Variants in RTN3 observed in about 807,000 individuals in gnomAD.
RTN3 encodes reticulon-3.
RTN3 carries 49 observed loss-of-function variants against 77.8 expected under a neutral mutation model. That is an observed-to-expected ratio of 0.63 (90% CI 0.50 to 0.80). RTN3 has a LOEUF of 0.80. Ranked by LOEUF, RTN3 falls within the 30% of genes least tolerant of loss-of-function variation. The pLI is 0.00. For synonymous variants in RTN3, 464 were observed against 446.9 expected (o/e 1.04, Z -0.48); for missense variants, 1,236 against 1,211.9 (o/e 1.02, Z -0.29).
rs2014508468 is a variant in RTN3 at position 63,758,631 on chromosome 11, G to T, written c.*430G>T. ...TTAACTTATGAAAAAATTATTTGGG[G>T]ACAGGAGTGTGATACCTTCCTTGGT... On this transcript the variant is annotated 3_prime_UTR_variant, in exon 9 of 9. Coordinates refer to ENST00000377819, the MANE Select transcript of RTN3 (RefSeq NM_001265589.2). 1 of 384,858 alleles carries T rather than the reference G, an allele frequency of 2.6e-6. No homozygotes were observed. Among genetic ancestry groups the T allele is most frequent in the Non-Finnish European group, 4.6e-6 (1 of 217,954 alleles). The allele number at this position is 384,858 out of a possible 1,614,324, so 23.8% of individuals were successfully genotyped here.
At position 63,720,563 on chromosome 11, in the gene RTN3, T is replaced by A. The variant is rs765671070; in HGVS notation, c.2061T>A (p.Thr687=). Residue 687 remains threonine, a synonymous_variant, in exon 3 of 9, where the codon ACT becomes ACA. Transcript: ENST00000377819. ...AGAAGATGACAGACTTTAAAACAAC[T>A]CCTCCTGTAGAAGTCTTACATGAAA... The part of the protein sequence containing the change: ...ISEKMTDFKT[T]PPVEVLHENE... 3 of 1,613,950 alleles carry A rather than the reference T, an allele frequency of 1.9e-6. No homozygotes were observed. The highest frequency in any genetic ancestry group is 1.1e-5 in the South Asian group (1 of 91,084).
At chr11:63,734,335 T>C (rs2012917296) in intron 3 of RTN3, among the ~76,000 whole-genome samples, 1 of 151,712 alleles carries the variant, frequency 6.6e-6, no homozygotes, top group African/African-American at 2.4e-5. Flanking sequence ...GTAATCCCAG[T>C]ACTCAGGAGG....
At chr11:63,742,980 A>G (rs1467678381) in intron 3 of RTN3, among the ~76,000 whole-genome samples, 1 of 152,194 alleles carries the variant, frequency 6.6e-6, no homozygotes, top group African/African-American at 2.4e-5. Flanking sequence ...TCCTGGGTTC[A>G]AGCGATTCTT....
upstream of RTN3, chr11:63,681,455 C>G (rs570061473): frequency 1.8e-6 from 1 of 552,214 alleles, no homozygotes; most frequent in Non-Finnish European, 2.8e-6. Context: ...TGTGCGCATG[C>G]GCGCTCGCGC....
At chr11:63,698,071 C>T (rs1435920055) in intron 1 of RTN3, among the ~76,000 whole-genome samples, 4 of 152,050 alleles carry the variant, frequency 2.6e-5, no homozygotes, top group Non-Finnish European at 5.9e-5. Flanking sequence ...GTTCCCTCCC[C>T]CTCTACCACT....
chr11:63,683,363 T>C (rs1393855094), intron 1 of RTN3, among the ~76,000 whole-genome samples: 1 of 152,272 alleles, frequency 6.6e-6, no homozygotes, highest in Non-Finnish European at 1.5e-5. Context: ...GCTTACTGTT[T>C]GGTAGGCCCT....
intron 4 of RTN3, among the ~76,000 whole-genome samples, chr11:63,750,634 T>C (rs1046558513): frequency 1.3e-5 from 2 of 152,046 alleles, no homozygotes; most frequent in African/African-American, 4.8e-5. Context: ...GTATTTTTAC[T>C]AGATACGGGG....
intron 2 of RTN3, among the ~76,000 whole-genome samples, chr11:63,714,855 C>T (rs1163193412): frequency 6.6e-6 from 1 of 152,086 alleles, no homozygotes; most frequent in Non-Finnish European, 1.5e-5. Context: ...TATCATGGTG[C>T]TCAGCAGAGG....
In RTN3 at chr11:63,720,578, C is replaced by A; in HGVS notation, c.2076C>A (p.Val692=). 1.2e-6 allele frequency: 2 copies of A among 1,614,004 alleles called. No homozygotes were observed. The highest frequency in any genetic ancestry group is 1.7e-6 in the Non-Finnish European group (2 of 1,179,968). The change falls in exon 3 of 9, where the codon GTC becomes GTA. Residue 692 remains valine (V), a synonymous_variant. Transcript: ENST00000377819. ...TDFKTTPPVE[V]LHENESGGSE... is the part of the protein sequence containing the mutation. Reference sequence around the variant, plus strand: ...TTAAAACAACTCCTCCTGTAGAAGTCTTACATGAAAATGAGTCCGGTGGTT... The same window carrying A: ...TTAAAACAACTCCTCCTGTAGAAGTATTACATGAAAATGAGTCCGGTGGTT...
chr11:63,756,083 A>G (rs747190255), intron 7 of RTN3, 29 bp from the exon 8 acceptor site: 2 of 1,563,558 alleles, frequency 1.3e-6, no homozygotes, highest in South Asian at 2.2e-5. Context: ...GTATGTTACC[A>G]CAACTGAATT....
At chr11:63,681,470 G>A (rs1941026076), upstream of RTN3, 1 of 653,370 alleles carries the variant, frequency 1.5e-6, no homozygotes, top group Non-Finnish European at 2.3e-6. Flanking sequence ...TCGCGCTCCC[G>A]CCCTCTAGCT....
chr11:63,726,860 T>TCAAA (rs780771200), intron 3 of RTN3, among the ~76,000 whole-genome samples: 1 of 89,456 alleles, frequency 1.1e-5, no homozygotes, highest in African/African-American at 3.9e-5. Context: ...AGACTCCGTC[T>TCAAA]GAAAAAAAAA....
intron 3 of RTN3, among the ~76,000 whole-genome samples, chr11:63,724,405 A>G (rs996090542): frequency 1.4e-5 from 2 of 147,590 alleles, no homozygotes; most frequent in African/African-American, 5.0e-5. Flanking sequence ...GGATGGCCTC[A>G]ATCTCCTGAC....
Position 63,731,646 on chromosome 11 carries a change from ATTTATTT to A in RTN3, c.2530+10632_2530+10638del, listed in dbSNP as rs546374571. Among the ~76,000 whole-genome samples the A allele has an allele frequency of 6.4e-3, 974 of 152,112 alleles. 7 individuals are homozygous for A. Among genetic ancestry groups the A allele is most frequent in the Non-Finnish European group, 8.9e-3 (607 of 67,980 alleles). On this transcript the variant is annotated intron_variant, in intron 3 of 8. Coordinates refer to ENST00000377819, the MANE Select transcript of RTN3 (RefSeq NM_001265589.2). The stretch of plus-strand genomic sequence containing the variant: ...GCTGAGAGGGAAATTATATAGCTTT[ATTTATTT>A]TTTATTTTTTATTTTTTTGAGATGA...
chr11:63,727,639 CCAGAGCTT>C (rs2012378168), intron 3 of RTN3, among the ~76,000 whole-genome samples: 1 of 152,084 alleles, frequency 6.6e-6, no homozygotes, highest in Non-Finnish European at 1.5e-5. Flanking sequence ...AAAAGTGTCA[CCAGAGCTT>C]CAGAACCCTG....
intron 1 of RTN3, among the ~76,000 whole-genome samples, chr11:63,684,139 T>TTTTTTTG (rs1941235217): frequency 8.0e-6 from 1 of 125,228 alleles, no homozygotes; most frequent in Non-Finnish European, 1.7e-5. Flanking sequence ...GTTTTTTTTT[T>TTTTTTTG]TTTTTTTTTT....
intron 2 of RTN3, among the ~76,000 whole-genome samples, chr11:63,712,982 C>G (rs1038486842): frequency 6.6e-6 from 1 of 152,052 alleles, no homozygotes; most frequent in African/African-American, 2.4e-5. Flanking sequence ...GTAATCCCAG[C>G]TACTCCGGAG....
chr11:63,756,190 A>G lies in RTN3; in HGVS notation c.3053+20A>G. On this transcript the variant is annotated intron_variant, in intron 8 of 8. Coordinates refer to ENST00000377819, the MANE Select transcript of RTN3 (RefSeq NM_001265589.2). Reference sequence around the variant, plus strand: ...TGAAAAGTAAGTACATTTAGAGACCACATCATCATGAGGTATGCTTCCTTC... The same window carrying G: ...TGAAAAGTAAGTACATTTAGAGACCGCATCATCATGAGGTATGCTTCCTTC... 6.4e-7 allele frequency: 1 copy of G among 1,554,566 alleles called. No homozygotes were observed. The highest frequency in any genetic ancestry group is 8.9e-7 in the Non-Finnish European group (1 of 1,125,722).
At chr11:63,713,326 AC>A (rs1049839903) in intron 2 of RTN3, among the ~76,000 whole-genome samples, 3 of 151,692 alleles carry the variant, frequency 2.0e-5, no homozygotes, top group Non-Finnish European at 4.4e-5. Context: ...ATTCTCACCC[AC>A]CCCCCATTTT....
Sources: gnomAD v4.1 joint callset for allele counts (sites outside exome capture counted in the v4.1 genomes callset) on GRCh38, gnomAD v4.1.1 for gene constraint, MANE v1.5 for transcripts, NCBI Gene and HGNC (gene_info 2026-07-23, HGNC 2026-07-21) for gene names.